The following DPY19L4 variants were observed in gnomAD, a reference collection of about 807,000 sequenced individuals.
DPY19L4 encodes probable C-mannosyltransferase DPY19L4.
Under a neutral mutation model 102.8 loss-of-function variants are expected in DPY19L4, and 97 were observed. The ratio of observed to expected loss-of-function variants is 0.94; its 90% CI spans 0.80 to 1.12. DPY19L4 has a LOEUF of 1.12. Ranked by LOEUF, DPY19L4 falls within the 50% of genes most tolerant of loss-of-function variation. The pLI, the probability that DPY19L4 is intolerant of heterozygous loss-of-function variation, is 0.00. For synonymous variants in DPY19L4, 252 were observed against 283.1 expected (o/e 0.89, Z 1.10); for missense variants, 815 against 850.4 (o/e 0.96, Z 0.52).
chr8:94,764,652 T>G (rs1812556254), intron 8 of DPY19L4, among the ~76,000 whole-genome samples: 1 of 136,050 alleles, frequency 7.4e-6, no homozygotes, highest in South Asian at 2.3e-4. Flanking sequence ...TATATATGTA[T>G]GTATGTATGT....
intron 15 of DPY19L4, 79 bp from the exon 16 acceptor site, chr8:94,781,005 T>C: frequency 8.3e-7 from 1 of 1,205,304 alleles, no homozygotes; most frequent in East Asian, 2.5e-5. Flanking sequence ...TCTTTTGAAA[T>C]ACTGTGGAAC....
intron 2 of DPY19L4, among the ~76,000 whole-genome samples, chr8:94,733,038 TC>T (rs1472528754): frequency 1.3e-5 from 2 of 150,306 alleles, no homozygotes; most frequent in African/African-American, 4.9e-5. Context: ...GGTTTCAAAC[TC>T]ATGAGCTCAA....
At chr8:94,777,964 C>T (rs1452057205) in intron 14 of DPY19L4, among the ~76,000 whole-genome samples, 178 bp downstream of exon 14, 3 of 152,168 alleles carry the variant, frequency 2.0e-5, no homozygotes, top group Non-Finnish European at 4.4e-5. Flanking sequence ...GACGCGGTGG[C>T]TCACGCTTGT....
At chr8:94,765,663 A>G in intron 9 of DPY19L4, 48 bp from the exon 10 acceptor site, 1 of 1,385,460 alleles carries the variant, frequency 7.2e-7, no homozygotes, top group Non-Finnish European at 1.0e-6. Flanking sequence ...TTAAATTGTT[A>G]ATTTTTTAAC....
At chr8:94,756,531 C>G (rs1415818774) in intron 7 of DPY19L4, among the ~76,000 whole-genome samples, 1 of 152,198 alleles carries the variant, frequency 6.6e-6, no homozygotes, top group Non-Finnish European at 1.5e-5. Flanking sequence ...AGAGTGACCA[C>G]AAATGACAGG....
At chr8:94,733,809 C>A (rs956055528) in intron 2 of DPY19L4, among the ~76,000 whole-genome samples, 12 of 152,072 alleles carry the variant, frequency 7.9e-5, no homozygotes, top group Non-Finnish European at 1.6e-4. Context: ...CCCAAAGTGG[C>A]GGGATTACAG....
At chr8:94,751,860 T>C (rs532735748) in intron 6 of DPY19L4, among the ~76,000 whole-genome samples, 1 of 152,334 alleles carries the variant, frequency 6.6e-6, no homozygotes, top group South Asian at 2.1e-4. Flanking sequence ...TCATACAGCA[T>C]ATACTTTTTG....
In DPY19L4 at chr8:94,767,066, T is replaced by TA. The variant is rs772468464; in HGVS notation, c.1175+400dup. On this transcript the variant is annotated intron_variant, in intron 11 of 18. Transcript: ENST00000414645. ...GCCTGGGCAACGGTGAGACCCTGTC[T>TA]AAAAAAAAAAAAAAAAAAATACCAC... 9.2e-3 allele frequency among the ~76,000 whole-genome samples: 1,075 copies of TA among 116,696 alleles called. 7 individuals are homozygous for TA. Among genetic ancestry groups the TA allele is most frequent in the African/African-American group, 0.024 (768 of 31,666 alleles). The allele number at this position is 116,696 out of a possible 152,430, so 76.6% of individuals were successfully genotyped here. A position where few individuals can be genotyped will look rare whatever the true frequency, so the allele number is the denominator to read the frequency against.
rs778540423 is a variant in DPY19L4, at chr8:94,788,095, A to ATATATATATATATATATATATATTTT, written c.2007+44_2007+45insATATATATATATATATATATATTTTT. ...AAGTTATATATATGTATATATATAT[A>ATATATATATATATATATATATATTTT]TTTTTTTTTTAGAAAAATGACTTTA... On this transcript the variant is annotated intron_variant, in intron 18 of 18. Transcript: ENST00000414645. 6 of 939,260 alleles carry ATATATATATATATATATATATATTTT rather than the reference A, an allele frequency of 6.4e-6. No individual in the cohort carries two copies. The African/African-American group carries it at 1.4e-4, about 22-fold the overall frequency. 58.2% of individuals were successfully genotyped at this position (939,260 alleles called of 1,614,324 possible). A position where few individuals can be genotyped will look rare whatever the true frequency, so the allele number is the denominator to read the frequency against.
chr8:94,731,240 C>G (rs1810940365), intron 2 of DPY19L4, among the ~76,000 whole-genome samples: 1 of 151,966 alleles, frequency 6.6e-6, no homozygotes, highest in African/African-American at 2.4e-5. Context: ...AACTGCCACC[C>G]TAGATTACTT....
intron 17 of DPY19L4, among the ~76,000 whole-genome samples, chr8:94,784,245 A>G (rs915892350): frequency 2.0e-5 from 3 of 150,794 alleles, no homozygotes; most frequent in Admixed American, 6.6e-5. Context: ...ACATTTTTTT[A>G]ATTCACCCAG....
chr8:94,767,853 A>AT (rs1178718397), intron 11 of DPY19L4, among the ~76,000 whole-genome samples: 1 of 152,098 alleles, frequency 6.6e-6, no homozygotes, highest in African/African-American at 2.4e-5. Flanking sequence ...ATTTTAATAT[A>AT]TTTTCTCTAA....
At chr8:94,749,427 C>T (rs532974915) in intron 6 of DPY19L4, among the ~76,000 whole-genome samples, 3 of 152,230 alleles carry the variant, frequency 2.0e-5, no homozygotes, top group East Asian at 1.9e-4. Context: ...AGTCCAGCCA[C>T]GAGAGCACAC....
intron 1 of DPY19L4, among the ~76,000 whole-genome samples, chr8:94,721,015 C>G (rs903454185): frequency 1.3e-5 from 2 of 151,988 alleles, no homozygotes; most frequent in Non-Finnish European, 2.9e-5. Context: ...GGCGCGATCT[C>G]GGTTCACCGC....
At chr8:94,745,017 G>A (rs1413147574) in intron 6 of DPY19L4, 1 of 161,110 alleles carries the variant, frequency 6.2e-6, no homozygotes, top group Non-Finnish European at 1.4e-5. Context: ...CAGCTTTATA[G>A]CTTTTATTTA....
rs773027960 is a variant in DPY19L4, at chr8:94,726,333, C to A, written c.19C>A (p.Pro7Thr). 2.1e-5 allele frequency: 34 copies of A among 1,597,234 alleles called. No individual in the cohort carries two copies. Among genetic ancestry groups the A allele is most frequent in the Non-Finnish European group, 2.7e-5 (32 of 1,175,576 alleles). Residue 7 changes from proline to threonine, a missense_variant and splice_region_variant, in exon 2 of 19, where the codon CCA (proline) becomes ACA (threonine). Physicochemically the swap from Pro to Thr is conservative, Grantham distance 38. Coordinates refer to ENST00000414645, the MANE Select transcript of DPY19L4 (RefSeq NM_181787.3). MAEEEGPPVELRQRKKP... is the reference protein window; with the variant it reads MAEEEGTPVELRQRKKP... Reference sequence around the variant, plus strand: ...AATAATGTCTTAAATATTTTAAGGACCACCTGTAGAGCTGCGCCAAAGAAA... The same window carrying A: ...AATAATGTCTTAAATATTTTAAGGAACACCTGTAGAGCTGCGCCAAAGAAA...
chr8:94,740,599 C>T (rs1314970743), intron 6 of DPY19L4, among the ~76,000 whole-genome samples: 1 of 152,008 alleles, frequency 6.6e-6, no homozygotes, highest in South Asian at 2.1e-4. Context: ...GGACTACAGG[C>T]GCCCGCCACC....
chr8:94,722,077 C>G (rs931086417), intron 1 of DPY19L4, among the ~76,000 whole-genome samples: 27 of 151,800 alleles, frequency 1.8e-4, no homozygotes, highest in South Asian at 4.2e-4. Flanking sequence ...CCATTGCACT[C>G]CAGCCTGGGT....
chr8:94,777,853 A>G lies in DPY19L4; in HGVS notation c.1575+67A>G. ...AATCAAATGCTAATAAATGGAAACT[A>G]CATTGAATACAATTGAAATAGCATG... On this transcript the variant is annotated intron_variant, in intron 14 of 18. Coordinates refer to ENST00000414645, the MANE Select transcript of DPY19L4 (RefSeq NM_181787.3). The G allele has an allele frequency of 2.7e-6, 4 of 1,507,508 alleles. No individual in the cohort carries two copies. In the Admixed American group the frequency reaches 8.1e-5, roughly 31 times the overall value. 93.4% of individuals were successfully genotyped at this position (1,507,508 alleles called of 1,614,324 possible).
Sources: gnomAD v4.1 joint callset for allele counts (sites outside exome capture counted in the v4.1 genomes callset) on GRCh38, gnomAD v4.1.1 for gene constraint, MANE v1.5 for transcripts, NCBI Gene and HGNC (gene_info 2026-07-23, HGNC 2026-07-21) for gene names.